SLC9A9: variants seen among roughly 807,000 people sequenced by gnomAD.
SLC9A9 encodes sodium/hydrogen exchanger 9.
Under a neutral mutation model 77.8 loss-of-function variants are expected in SLC9A9, and 62 were observed. The observed-to-expected ratio is 0.80, with a 90% confidence interval of 0.65 to 0.98. The LOEUF is 0.98. Among genes scored for constraint, SLC9A9 ranks in the 50% least tolerant of loss-of-function variants. The probability of loss-of-function intolerance (pLI) is 0.00; values close to 1 mark genes in which losing one functional copy is unlikely to be tolerated. For missense variants in SLC9A9, 775 were observed against 774.9 expected, an observed-to-expected ratio of 1.00 and a Z score of 0.00; for synonymous variants, 320 against 283.5, an observed-to-expected ratio of 1.13 and a Z score of -1.29.
chr3:143,810,547 G>C (rs1334095083), intron 2 of SLC9A9, among the ~76,000 whole-genome samples: 1 of 152,170 alleles, frequency 6.6e-6, no homozygotes, highest in Non-Finnish European at 1.5e-5. Context: ...GCTTACCCAG[G>C]GTCAATCAAT....
At chr3:143,334,927 A>G (rs2031878030) in intron 14 of SLC9A9, among the ~76,000 whole-genome samples, 1 of 151,684 alleles carries the variant, frequency 6.6e-6, no homozygotes, top group African/African-American at 2.4e-5. Context: ...GCTATTCAAC[A>G]TAGTACTGGA....
chr3:143,588,168 A>G (rs1472764962), intron 6 of SLC9A9, among the ~76,000 whole-genome samples: 2 of 152,202 alleles, frequency 1.3e-5, no homozygotes, highest in East Asian at 3.8e-4. Context: ...TAAAAGAGTT[A>G]CTTGCCAGGG....
intron 12 of SLC9A9, among the ~76,000 whole-genome samples, chr3:143,445,881 A>G (rs886536421): frequency 1.4e-4 from 21 of 152,184 alleles, no homozygotes; most frequent in African/African-American, 4.8e-4. Context: ...AAGCTTGACC[A>G]TTGGACTTAG....
At chr3:143,610,333 G>C (rs943555071) in intron 6 of SLC9A9, among the ~76,000 whole-genome samples, 1 of 152,092 alleles carries the variant, frequency 6.6e-6, no homozygotes, top group Non-Finnish European at 1.5e-5. Flanking sequence ...TTGCAGTAGA[G>C]AAGGGGTTTC....
chr3:143,374,094 G>C (rs1352100551), intron 13 of SLC9A9, among the ~76,000 whole-genome samples: 1 of 151,950 alleles, frequency 6.6e-6, no homozygotes, highest in Non-Finnish European at 1.5e-5. Context: ...TATGTTCCAG[G>C]AAATTAAAAA....
chr3:143,287,101 T>TTGTG (rs3032423), intron 14 of SLC9A9, among the ~76,000 whole-genome samples: 16,446 of 149,208 alleles, frequency 0.11, 2,775 homozygotes, highest in African/African-American at 0.36. Flanking sequence ...CTGGTCCCAC[T>TTGTG]TGTGTGTGTG....
intron 2 of SLC9A9, among the ~76,000 whole-genome samples, chr3:143,805,917 C>T (rs1325973466): frequency 6.6e-6 from 1 of 152,148 alleles, no homozygotes; most frequent in Non-Finnish European, 1.5e-5. Flanking sequence ...TTCACAGAGA[C>T]TCGAGTGAAA....
At chr3:143,515,862 T>G (rs2036195475) in intron 9 of SLC9A9, among the ~76,000 whole-genome samples, 1 of 152,236 alleles carries the variant, frequency 6.6e-6, no homozygotes, top group Non-Finnish European at 1.5e-5. Context: ...TAAACTGATC[T>G]TCATTTCTGG....
intron 5 of SLC9A9, among the ~76,000 whole-genome samples, chr3:143,668,622 C>G (rs1211604156): frequency 6.6e-6 from 1 of 152,116 alleles, no homozygotes; most frequent in African/African-American, 2.4e-5. Context: ...GTTTGTTCAT[C>G]TGCGCATTTG....
intron 14 of SLC9A9, among the ~76,000 whole-genome samples, chr3:143,313,639 A>G (rs1177136475): frequency 6.6e-6 from 1 of 152,216 alleles, no homozygotes; most frequent in Non-Finnish European, 1.5e-5. Flanking sequence ...TCCATTCTGC[A>G]TATAGAAATA....
At chr3:143,286,842 A>G (rs1277470108) in intron 14 of SLC9A9, among the ~76,000 whole-genome samples, 1 of 152,214 alleles carries the variant, frequency 6.6e-6, no homozygotes, top group East Asian at 1.9e-4. Context: ...CTAGTGTCTG[A>G]CAGACTGTGA....
chr3:143,305,406 G>A (rs917579330), intron 14 of SLC9A9, among the ~76,000 whole-genome samples: 1 of 152,186 alleles, frequency 6.6e-6, no homozygotes, highest in Non-Finnish European at 1.5e-5. Context: ...TTTCATAGCT[G>A]AGGAACAGGC....
rs748982877 is a variant in SLC9A9, at chr3:143,778,037, C to CAAAAAAAAAAAAAAAAAA, written c.533+16963_533+16964insTTTTTTTTTTTTTTTTTT. On this transcript the variant is annotated intron_variant, in intron 4 of 15. Coordinates refer to ENST00000316549, the MANE Select transcript of SLC9A9 (RefSeq NM_173653.4). The stretch of plus-strand genomic sequence containing the variant: ...CCGTCACTGATACTTTTATAAAATG[C>CAAAAAAAAAAAAAAAAAA]AAAAAAAAAAAAAAAGATGCTGAAT... Among the ~76,000 whole-genome samples, 21 of 75,560 alleles carry CAAAAAAAAAAAAAAAAAA rather than the reference C, an allele frequency of 2.8e-4. 1 individual carries two copies. The highest frequency in any genetic ancestry group is 1.1e-3 in the East Asian group (2 of 1,780). 49.6% of individuals were successfully genotyped at this position (75,560 alleles called of 152,430 possible).
intron 14 of SLC9A9, among the ~76,000 whole-genome samples, chr3:143,332,551 T>C (rs2031805269): frequency 6.6e-6 from 1 of 152,230 alleles, no homozygotes; most frequent in African/African-American, 2.4e-5. Flanking sequence ...GTTCTCAACC[T>C]GATGGCCCAC....
chr3:143,502,389 A>G (rs1422523444), intron 9 of SLC9A9, among the ~76,000 whole-genome samples: 1 of 152,176 alleles, frequency 6.6e-6, no homozygotes, highest in Non-Finnish European at 1.5e-5. Flanking sequence ...TAATTAAGTG[A>G]CTTAATCTAG....
At chr3:143,506,639 G>T (rs2108601196) in intron 9 of SLC9A9, among the ~76,000 whole-genome samples, 1 of 152,196 alleles carries the variant, frequency 6.6e-6, no homozygotes, top group Admixed American at 6.5e-5. Context: ...TGAGTTTGTG[G>T]CTGACATATG....
At chr3:143,308,463 C>T (rs964820745) in intron 14 of SLC9A9, among the ~76,000 whole-genome samples, 3 of 152,038 alleles carry the variant, frequency 2.0e-5, no homozygotes, top group African/African-American at 7.2e-5. Context: ...GTAGTCCCAG[C>T]TACTTGGGAG....
At chr3:143,525,324 T>G (rs148156742) in intron 9 of SLC9A9, among the ~76,000 whole-genome samples, 1 of 152,224 alleles carries the variant, frequency 6.6e-6, no homozygotes, top group South Asian at 2.1e-4. Flanking sequence ...ATTGATTATA[T>G]GCCAAATGAT....
At chr3:143,540,597 A>G (rs2108629368) in intron 9 of SLC9A9, among the ~76,000 whole-genome samples, 1 of 152,324 alleles carries the variant, frequency 6.6e-6, no homozygotes, top group Middle Eastern at 3.4e-3. Context: ...AATGATCAGG[A>G]TCACGTGTAA....
Sources: gnomAD v4.1 joint callset for allele counts (sites outside exome capture counted in the v4.1 genomes callset) on GRCh38, gnomAD v4.1.1 for gene constraint, MANE v1.5 for transcripts, NCBI Gene and HGNC (gene_info 2026-07-23, HGNC 2026-07-21) for gene names.